The following ARHGAP45 variants were observed in gnomAD, a reference collection of about 807,000 sequenced individuals.
ARHGAP45 encodes Rho GTPase activating protein 45.
Under a neutral mutation model 116.1 loss-of-function variants are expected in ARHGAP45, and 56 were observed. The ratio of observed to expected loss-of-function variants is 0.48; its 90% CI spans 0.39 to 0.60. The LOEUF is 0.60. Ranked by LOEUF, ARHGAP45 falls within the 20% of genes least tolerant of loss-of-function variation. The pLI is 0.00. For synonymous variants in ARHGAP45, 866 were observed against 701.7 expected, an observed-to-expected ratio of 1.23 and a Z score of -3.70; for missense variants, 1,622 against 1,601.0, an observed-to-expected ratio of 1.01 and a Z score of -0.22.
At chr19:1,067,094 G>A (rs2144998129), upstream of ARHGAP45, 2 of 952,110 alleles carry the variant, frequency 2.1e-6, no homozygotes, top group Middle Eastern at 4.4e-4. Context: ...GCGCGGCTCC[G>A]AGCTCCCGAA....
intron 3 of ARHGAP45, 85 bp downstream of exon 3, chr19:1,073,377 G>C (rs1296791014): frequency 1.5e-5 from 23 of 1,580,636 alleles, no homozygotes; most frequent in Non-Finnish European, 1.9e-5. Context: ...GGTTTTGAAG[G>C]ATGCATAGGA....
In ARHGAP45 at chr19:1,084,295, G is replaced by A; in HGVS notation, c.3013G>A (p.Gly1005Ser). 1.9e-6 allele frequency: 3 copies of A among 1,612,936 alleles called. No individual in the cohort carries two copies. Among genetic ancestry groups the A allele is most frequent in the Non-Finnish European group, 2.5e-6 (3 of 1,179,614 alleles). ...CGTCCAGGTGCCGTACCTGGAGGCG[G>A]GCGAGGCGGTGGTCTACCCGCTGCA... ...VVVQVPYLEA[G>S]EAVVYPLQEA... is the part of the protein sequence containing the mutation. Residue 1005 changes from glycine (G) to serine (S), a missense_variant, in exon 22 of 23, where the codon GGC becomes AGC. Transcript: ENST00000313093.
At chr19:1,078,090 A>C in intron 11 of ARHGAP45, 45 bp downstream of exon 11, 2 of 1,521,384 alleles carry the variant, frequency 1.3e-6, no homozygotes, top group Middle Eastern at 1.9e-4. Flanking sequence ...GGAGGAGGAG[A>C]TCCAATGCTT....
chr19:1,073,731 T>C lies in ARHGAP45; in HGVS notation c.708T>C (p.Pro236=), dbSNP rs369894383. The change falls in exon 5 of 23, where the codon CCT becomes CCC. Residue 236 remains proline (P), a synonymous_variant. Transcript: ENST00000313093. ...VDSSTLLAVP[P]GDSSQSMESL... ...GCAGCACCCTCCTAGCAGTGCCTCC[T>C]GGGGACTCGAGCCAGGTGAGTGGGG... 44 of 1,595,058 alleles carry C rather than the reference T, an allele frequency of 2.8e-5. No homozygotes were observed. Among genetic ancestry groups the C allele is most frequent in the Admixed American group, 5.3e-5 (3 of 56,848 alleles).
Position 1,080,060 on chromosome 19 carries a change from C to T in ARHGAP45, c.1645C>T (p.Arg549Trp), listed in dbSNP as rs1248135773. 5 of 1,612,552 alleles carry T rather than the reference C, an allele frequency of 3.1e-6. No individual in the cohort carries two copies. The highest frequency in any genetic ancestry group is 2.7e-5 in the African/African-American group (2 of 74,930). Reference sequence around the variant, plus strand: ...CGCCTCCCACGTGCGCCAGCTGCAGCGGGACCAGGAGCCCGATGTGCACTA... The same window carrying T: ...CGCCTCCCACGTGCGCCAGCTGCAGTGGGACCAGGAGCCCGATGTGCACTA... ...QYASHVRQLQ[R>W]DQEPDVHYDF... Residue 549 changes from arginine (R) to tryptophan (W), a missense_variant, in exon 13 of 23, where the codon CGG becomes TGG. This residue lies in a region of ARHGAP45 where 1,334 missense variants were observed against 1,263.8 expected (regional missense o/e 1.06). Transcript: ENST00000313093.
chr19:1,085,560 C>CA (rs2043597653), intron 22 of ARHGAP45, 100 bp from the exon 23 acceptor site: 5 of 621,058 alleles, frequency 8.1e-6, no homozygotes, highest in South Asian at 4.0e-5. Context: ...TCTCTCTCCC[C>CA]CCTCTCCTGT....
At chr19:1,077,508 C>G in intron 10 of ARHGAP45, 1 of 1,000,740 alleles carries the variant, frequency 1.0e-6, no homozygotes, top group Non-Finnish European at 1.3e-6. Context: ...CTCAGCCTCC[C>G]GAGTAGCTGG....
In ARHGAP45 at chr19:1,080,566, C is replaced by T. The variant is rs751997933; in HGVS notation, c.1912+19C>T. ...GGCGCAGGTGAGGGAGGCTCTCTGG[C>T]GGGCTGGGGTGTGGAGCTGCCTCCT... On this transcript the variant is annotated intron_variant, in intron 15 of 22. Coordinates refer to ENST00000313093, the MANE Select transcript of ARHGAP45 (RefSeq NM_012292.5). 9.9e-6 allele frequency: 16 copies of T among 1,611,378 alleles called. No homozygotes were observed. Among genetic ancestry groups the T allele is most frequent in the Admixed American group, 1.7e-5 (1 of 59,926 alleles).
rs1474929425 is a variant in ARHGAP45, at chr19:1,067,629, G to A, written c.90+134G>A. Reference sequence around the variant, plus strand: ...GCTACAGCCCCTACCGGGCGGGACGGCAGGGGCCACAGCAGAGAGGCCGGG... The same window carrying A: ...GCTACAGCCCCTACCGGGCGGGACGACAGGGGCCACAGCAGAGAGGCCGGG... On this transcript the variant is annotated intron_variant, in intron 1 of 22. Coordinates refer to ENST00000313093, the MANE Select transcript of ARHGAP45 (RefSeq NM_012292.5). 3.4e-6 allele frequency: 3 copies of A among 882,388 alleles called. No homozygotes were observed. The East Asian group carries it at 7.9e-5, about 23-fold the overall frequency. 54.7% of individuals were successfully genotyped at this position (882,388 alleles called of 1,614,324 possible).
chr19:1,073,375 A>C (rs2043175523), intron 3 of ARHGAP45, 83 bp downstream of exon 3: 2 of 1,579,676 alleles, frequency 1.3e-6, no homozygotes. Context: ...TGGGTTTTGA[A>C]GGATGCATAG....
chr19:1,068,736 T>C lies in ARHGAP45; in HGVS notation c.413T>C (p.Leu138Ser). The change falls in exon 2 of 23, where the codon TTG becomes TCG. Residue 138 changes from leucine to serine, a missense_variant. This residue lies in a region of ARHGAP45 where 279 missense variants were observed against 311.9 expected (regional missense o/e 0.89). Transcript: ENST00000313093. The surrounding 1 kb of genome is among the most constrained non-coding windows in gnomAD (Gnocchi z 7.5). ...EGLEKLKECVLRDDLLEARRP... is the reference protein window; with the variant it reads ...EGLEKLKECVSRDDLLEARRP... Reference sequence around the variant, plus strand: ...CTTGAGAAACTTAAGGAGTGTGTGTTGCGTGACGGTGAGAGCCACGGGGAC... The same window carrying C: ...CTTGAGAAACTTAAGGAGTGTGTGTCGCGTGACGGTGAGAGCCACGGGGAC... The C allele has an allele frequency of 6.2e-7, 1 of 1,611,404 alleles. No individual in the cohort carries two copies. Among genetic ancestry groups the C allele is most frequent in the Non-Finnish European group, 8.5e-7 (1 of 1,179,170 alleles).
Position 1,080,983 on chromosome 19 carries a change from C to T in ARHGAP45, c.2109C>T (p.His703=). Residue 703 remains histidine, a synonymous_variant, in exon 17 of 23, where the codon CAC becomes CAT. Transcript: ENST00000313093. The part of the protein sequence containing the change: ...HEGLSKAART[H]RLRKLRTPAK... ...GGCTGTCCAAGGCGGCCCGTACTCA[C>T]CGGCTCCGGAAGCTCCGCACGCCCG... 6.2e-7 allele frequency: 1 copy of T among 1,608,082 alleles called. No individual in the cohort carries two copies. The highest frequency in any genetic ancestry group is 8.5e-7 in the Non-Finnish European group (1 of 1,178,146).
At position 1,069,319 on chromosome 19, in the gene ARHGAP45, C is replaced by A. The variant is rs2043096348; in HGVS notation, c.421+575C>A. ...GCCGGCAGTTCCGTTTTCTCCTCCA[C>A]GCGGCCGCTGACAGCCCTGCTTCCT... On this transcript the variant is annotated intron_variant, in intron 2 of 22. Coordinates refer to ENST00000313093, the MANE Select transcript of ARHGAP45 (RefSeq NM_012292.5). This position sits in a 1 kb window ranked among gnomAD's most constrained non-coding sequence, Gnocchi z 4.1. Among the ~76,000 whole-genome samples the A allele has an allele frequency of 6.6e-6, 1 of 152,276 alleles. No homozygotes were observed. The highest frequency in any genetic ancestry group is 2.1e-4 in the South Asian group (1 of 4,830).
rs969113572 is a variant in ARHGAP45 at position 1,085,408 on chromosome 19, C to G, written c.3065-252C>G. Among the ~76,000 whole-genome samples the G allele has an allele frequency of 3.9e-5, 6 of 152,164 alleles. No homozygotes were observed. The East Asian group carries it at 1.2e-3, about 29-fold the overall frequency. On this transcript the variant is annotated intron_variant, in intron 22 of 22. Coordinates refer to ENST00000313093, the MANE Select transcript of ARHGAP45 (RefSeq NM_012292.5). ...ATGAGGTTTGGGTGGGGACACAGAG[C>G]CAGACCCTATCAACACCTCTCTCCT...
upstream of ARHGAP45, among the ~76,000 whole-genome samples, chr19:1,067,009 G>C (rs1050746490): frequency 2.0e-5 from 3 of 152,172 alleles, no homozygotes; most frequent in African/African-American, 7.2e-5. Flanking sequence ...CCGGGAGTGA[G>C]AGTCAGCGCC....
rs1459562652 is a variant in ARHGAP45, at chr19:1,078,017, G to A, written c.1346G>A (p.Arg449Gln). The change falls in exon 11 of 23, where the codon CGG (arginine) becomes CAG (glutamine). Residue 449 changes from arginine (R) to glutamine (Q), a missense_variant. Physicochemically the swap from Arg to Gln is conservative, Grantham distance 43 (BLOSUM62 1). Around this residue, in one of 3 missense-constraint regions of ARHGAP45, gnomAD observed 1,334 missense variants for 1,263.8 expected, o/e 1.06. Coordinates refer to ENST00000313093, the MANE Select transcript of ARHGAP45 (RefSeq NM_012292.5). ...GCCACCAAGACCCTGGACAAGCGGC[G>A]GCGGCTGGAGGAGGAGGCCAAGAAC... is the stretch of plus-strand genomic sequence containing the variant. ...STATKTLDKRRRLEEEAKNKA... is the reference protein window; with the variant it reads ...STATKTLDKRQRLEEEAKNKA... 6.4e-7 allele frequency: 1 copy of A among 1,553,252 alleles called. No homozygotes were observed.
chr19:1,080,489 G>A lies in ARHGAP45; in HGVS notation c.1854G>A (p.Lys618=). 1 of 1,612,958 alleles carries A rather than the reference G, an allele frequency of 6.2e-7. No individual in the cohort carries two copies. The highest frequency in any genetic ancestry group is 8.5e-7 in the Non-Finnish European group (1 of 1,179,980). ...HRAGRGHQVH[K]SWPLSISDSD... Reference sequence around the variant, plus strand: ...CCGGGCGAGGACACCAGGTTCACAAGTCATGGCCGCTCTCGATCTCAGACT... The same window carrying A: ...CCGGGCGAGGACACCAGGTTCACAAATCATGGCCGCTCTCGATCTCAGACT... Residue 618 remains lysine (K), a synonymous_variant, in exon 15 of 23, where the codon AAG becomes AAA. Transcript: ENST00000313093.
chr19:1,084,731 T>C (rs1312240389), intron 22 of ARHGAP45, among the ~76,000 whole-genome samples: 1 of 152,180 alleles, frequency 6.6e-6, no homozygotes, highest in Non-Finnish European at 1.5e-5. Flanking sequence ...CAGAGGCAGC[T>C]GGCCGAGTGC....
At chr19:1,073,030 C>A in intron 2 of ARHGAP45, 119 bp from the exon 3 acceptor site, 1 of 1,246,358 alleles carries the variant, frequency 8.0e-7, no homozygotes, top group South Asian at 1.4e-5. Flanking sequence ...CATCTGCCGT[C>A]TTCCACCTCT....
Sources: allele counts gnomAD v4.1 joint callset (sites outside exome capture counted in the v4.1 genomes callset), GRCh38; gene constraint gnomAD v4.1.1; regional missense constraint gnomAD v4.1.1; non-coding constraint Gnocchi (gnomAD v3.1); transcripts MANE v1.5; gene names NCBI Gene and HGNC (gene_info 2026-07-23, HGNC 2026-07-21).